Variants in ADAMTSL3 observed in about 807,000 individuals in gnomAD.
ADAMTSL3 encodes ADAMTS-like protein 3.
ADAMTSL3 carries 128 observed loss-of-function variants against 201.7 expected under a neutral mutation model. The observed-to-expected ratio is 0.63, with a 90% CI of 0.55 to 0.73. The LOEUF (loss-of-function observed/expected upper bound fraction) is 0.73, where lower values mean the gene tolerates loss of function less well. Among genes scored for constraint, ADAMTSL3 ranks in the 30% least tolerant of loss-of-function variants. The pLI is 0.00. For missense variants in ADAMTSL3, 1,990 were observed against 2,119.6 expected (o/e 0.94, Z 1.20); for synonymous variants, 738 against 748.4 (o/e 0.99, Z 0.23).
intron 19 of ADAMTSL3, chr15:83,961,951 G>A (rs2066978932): frequency 6.6e-6 from 1 of 152,148 alleles, no homozygotes; most frequent in Admixed American, 6.5e-5. Context: ...TGAGGTAGAT[G>A]ATATAGTTTG....
rs1283505175 is a variant in ADAMTSL3, at chr15:83,870,694, T to C, written c.803-108T>C. 1.4e-5 allele frequency: 13 copies of C among 910,906 alleles called. No individual in the cohort carries two copies. In the East Asian group the frequency reaches 3.7e-4, roughly 26 times the overall value. 56.4% of individuals were successfully genotyped at this position (910,906 alleles called of 1,614,324 possible). Reference sequence around the variant, plus strand: ...AATGTTTGTAAACTGAGTGGCTATTTTGACATTGTTTTGATATCATATACT... The same window carrying C: ...AATGTTTGTAAACTGAGTGGCTATTCTGACATTGTTTTGATATCATATACT... On this transcript the variant is annotated intron_variant, in intron 8 of 29. Transcript: ENST00000286744.
intron 25 of ADAMTSL3, among the ~76,000 whole-genome samples, chr15:84,017,381 T>C (rs1446417463): frequency 6.6e-6 from 1 of 152,196 alleles, no homozygotes; most frequent in African/African-American, 2.4e-5. Context: ...CCTCCCAAAG[T>C]GCTGAGATTA....
intron 3 of ADAMTSL3, among the ~76,000 whole-genome samples, chr15:83,766,294 T>G (rs2062888505): frequency 6.6e-6 from 1 of 152,222 alleles, no homozygotes; most frequent in South Asian, 2.1e-4. Flanking sequence ...CCACATTGTA[T>G]TCACAGGGCA....
chr15:83,731,222 G>A (rs1341653224), intron 3 of ADAMTSL3, among the ~76,000 whole-genome samples: 1 of 151,974 alleles, frequency 6.6e-6, no homozygotes. Context: ...GAAGTGTGAT[G>A]CTTCCAACTA....
At chr15:83,743,574 C>CCAT (rs1340308509) in intron 3 of ADAMTSL3, among the ~76,000 whole-genome samples, 3 of 148,368 alleles carry the variant, frequency 2.0e-5, no homozygotes, top group African/African-American at 7.5e-5. Flanking sequence ...GAGGAGTATA[C>CCAT]CATTTTGTTT....
intron 5 of ADAMTSL3, among the ~76,000 whole-genome samples, chr15:83,818,474 G>GCC: frequency 6.6e-6 from 1 of 152,186 alleles, no homozygotes; most frequent in Admixed American, 6.5e-5. Flanking sequence ...CTACAGGCAT[G>GCC]CGCCACCACA....
chr15:83,699,615 C>T (rs1354789211), intron 2 of ADAMTSL3, among the ~76,000 whole-genome samples: 2 of 152,216 alleles, frequency 1.3e-5, no homozygotes, highest in Admixed American at 6.5e-5. Flanking sequence ...TGTTCTCCGT[C>T]TCCTTACCAT....
At chr15:83,841,573 A>T (rs1567182087) in intron 7 of ADAMTSL3, among the ~76,000 whole-genome samples, 1 of 152,184 alleles carries the variant, frequency 6.6e-6, no homozygotes, top group African/African-American at 2.4e-5. Context: ...TAGCGTAGTA[A>T]CTAGAGAGTA....
intron 23 of ADAMTSL3, among the ~76,000 whole-genome samples, chr15:83,997,085 A>G (rs2067701221): frequency 6.6e-6 from 1 of 152,216 alleles, no homozygotes. Context: ...TGATCAAGTC[A>G]AAGATGCTCA....
At chr15:83,949,786 C>T (rs556951651) in intron 19 of ADAMTSL3, among the ~76,000 whole-genome samples, 6 of 152,184 alleles carry the variant, frequency 3.9e-5, no homozygotes, top group African/African-American at 1.4e-4. Flanking sequence ...TTGTCATATG[C>T]CTGCTTGCCC....
chr15:83,809,319 A>T (rs567301494), intron 5 of ADAMTSL3, among the ~76,000 whole-genome samples: 2 of 152,332 alleles, frequency 1.3e-5, no homozygotes, highest in African/African-American at 4.8e-5. Flanking sequence ...GCTGGCAGAA[A>T]CAGAAATAGG....
At chr15:83,807,378 C>T (rs768728565) in intron 5 of ADAMTSL3, among the ~76,000 whole-genome samples, 22 of 152,118 alleles carry the variant, frequency 1.4e-4, no homozygotes, top group Non-Finnish European at 2.8e-4. Context: ...ATCACTCGAA[C>T]CCGGGAGGTG....
At chr15:83,731,114 T>C (rs183777706) in intron 3 of ADAMTSL3, among the ~76,000 whole-genome samples, 172 of 152,218 alleles carry the variant, frequency 1.1e-3, no homozygotes, top group African/African-American at 4.0e-3. Context: ...GACTCACTCT[T>C]TGGTTTCATT....
chr15:83,931,594 A>G (rs1446048245), intron 17 of ADAMTSL3, among the ~76,000 whole-genome samples: 1 of 152,232 alleles, frequency 6.6e-6, no homozygotes, highest in Non-Finnish European at 1.5e-5. Context: ...GATATTATCA[A>G]TTATAGTCTA....
chr15:83,672,046 C>T (rs550688342), intron 2 of ADAMTSL3, among the ~76,000 whole-genome samples: 7 of 152,214 alleles, frequency 4.6e-5, no homozygotes, highest in East Asian at 3.9e-4. Context: ...GAGTGTCTTG[C>T]GACCTATACT....
intron 5 of ADAMTSL3, among the ~76,000 whole-genome samples, chr15:83,809,968 A>G (rs997528098): frequency 6.6e-6 from 1 of 152,082 alleles, no homozygotes; most frequent in Non-Finnish European, 1.5e-5. Context: ...CCCGAGTTCT[A>G]TGGGAGTAGA....
chr15:83,710,774 C>T (rs2061923589), intron 3 of ADAMTSL3, among the ~76,000 whole-genome samples: 1 of 152,090 alleles, frequency 6.6e-6, no homozygotes, highest in Non-Finnish European at 1.5e-5. Flanking sequence ...GATGTGCAGC[C>T]TTGGTAGCAT....
In ADAMTSL3 at chr15:83,800,027, C is replaced by T. The variant is rs534754675; in HGVS notation, c.318-4623C>T. Among the ~76,000 whole-genome samples, 6 of 152,012 alleles carry T rather than the reference C, an allele frequency of 3.9e-5. No individual in the cohort carries two copies. In the South Asian group the frequency reaches 1.2e-3, roughly 32 times the overall value. On this transcript the variant is annotated intron_variant, in intron 4 of 29. Coordinates refer to ENST00000286744, the MANE Select transcript of ADAMTSL3 (RefSeq NM_207517.3). ...ATACTAAATTGTAACCAAAGCAAGC[C>T]ACATCAATAGAGGCCAGTCACTGGA...
intron 15 of ADAMTSL3, among the ~76,000 whole-genome samples, chr15:83,903,928 A>G (rs1567226007): frequency 0.016 from 1,016 of 63,556 alleles, 156 homozygotes; most frequent in South Asian, 0.033. Context: ...AAAAAAAAAA[A>G]AAAAAAAAAA....
Sources: gnomAD v4.1 joint callset for allele counts (sites outside exome capture counted in the v4.1 genomes callset) on GRCh38, gnomAD v4.1.1 for gene constraint, MANE v1.5 for transcripts, NCBI Gene and HGNC (gene_info 2026-07-23, HGNC 2026-07-21) for gene names.